The following ADAMTS18 variants were observed in gnomAD, a reference collection of about 807,000 sequenced individuals.
ADAMTS18 encodes the protein ADAM metallopeptidase with thrombospondin type 1 motif 18.
ADAMTS18 carries 157 observed loss-of-function variants against 165.9 expected under a neutral mutation model. That is an observed-to-expected ratio of 0.95 (90% CI 0.83 to 1.08). The LOEUF (loss-of-function observed/expected upper bound fraction) is 1.08. Ranked by LOEUF, ADAMTS18 falls within the 50% of genes least tolerant of loss-of-function variation. The pLI is 0.00. For missense variants in ADAMTS18, 2,040 were observed against 1,534.0 expected, an observed-to-expected ratio of 1.33 and a Z score of -5.51; for synonymous variants, 782 against 578.2, an observed-to-expected ratio of 1.35 and a Z score of -5.06.
rs1408811953 is a variant in ADAMTS18, at chr16:77,334,694, GTA to G, written c.1859+1060_1859+1061del. 1.5e-4 allele frequency among the ~76,000 whole-genome samples: 12 copies of G among 80,796 alleles called. No individual in the cohort carries two copies. In the East Asian group the frequency reaches 1.9e-3, roughly 12 times the overall value. 53.0% of individuals were successfully genotyped at this position (80,796 alleles called of 152,430 possible). A position where few individuals can be genotyped will look rare whatever the true frequency, so the allele number is the denominator to read the frequency against. On this transcript the variant is annotated intron_variant, in intron 12 of 22. Transcript: ENST00000282849. ...GCATATACTATAGTATATATATATA[GTA>G]TATATATACTGTATACTATAGTATA...
intron 17 of ADAMTS18, among the ~76,000 whole-genome samples, chr16:77,298,417 T>A (rs532455780): frequency 6.6e-6 from 1 of 152,322 alleles, no homozygotes; most frequent in African/African-American, 2.4e-5. Context: ...TGAGAAAGAA[T>A]AAGTCACTCC....
At chr16:77,332,837 T>C (rs538487858) in intron 12 of ADAMTS18, among the ~76,000 whole-genome samples, 3 of 152,310 alleles carry the variant, frequency 2.0e-5, no homozygotes, top group South Asian at 4.1e-4. Context: ...AGTGGGACTT[T>C]CTGTGTTTGA....
At chr16:77,433,332 C>T (rs2057761267) in intron 2 of ADAMTS18, 1 of 152,220 alleles carries the variant, frequency 6.6e-6, no homozygotes, top group Admixed American at 6.5e-5. Flanking sequence ...AACCAGCCAT[C>T]AAACGGCCCC....
At chr16:77,348,263 G>C (rs2056506368) in intron 10 of ADAMTS18, among the ~76,000 whole-genome samples, 1 of 152,070 alleles carries the variant, frequency 6.6e-6, no homozygotes, top group African/African-American at 2.4e-5. Context: ...CCAAGAAATG[G>C]AAATCTAGAT....
At chr16:77,337,093 T>A (rs754432295) in intron 11 of ADAMTS18, among the ~76,000 whole-genome samples, 1 of 152,244 alleles carries the variant, frequency 6.6e-6, no homozygotes, top group Non-Finnish European at 1.5e-5. Flanking sequence ...TTCTTCAAAT[T>A]CTTGCCATGT....
At chr16:77,340,957 C>T (rs1206975786) in intron 11 of ADAMTS18, among the ~76,000 whole-genome samples, 1 of 152,128 alleles carries the variant, frequency 6.6e-6, no homozygotes, top group African/African-American at 2.4e-5. Context: ...ATCAGCAAAC[C>T]TGTAACATCT....
chr16:77,286,422 T>A (rs1207423918), intron 22 of ADAMTS18, among the ~76,000 whole-genome samples: 1 of 152,186 alleles, frequency 6.6e-6, no homozygotes, highest in African/African-American at 2.4e-5. Context: ...TATTTTGTAA[T>A]CAGACCCCAG....
intron 18 of ADAMTS18, 125 bp from the exon 19 acceptor site, chr16:77,295,252 T>G (rs2055447048): frequency 2.1e-6 from 2 of 957,756 alleles, no homozygotes; most frequent in Admixed American, 2.0e-5. Flanking sequence ...ATAAGATAAG[T>G]TATTCTAATT....
chr16:77,421,438 C>A (rs902942377), intron 3 of ADAMTS18, among the ~76,000 whole-genome samples: 1 of 152,206 alleles, frequency 6.6e-6, no homozygotes, highest in Non-Finnish European at 1.5e-5. Flanking sequence ...AGCCTTAGTG[C>A]TATCATTAGG....
rs2055182617 is a variant in ADAMTS18, at chr16:77,283,229, T to C, written c.*727A>G. 6.6e-6 allele frequency: 1 copy of C among 152,634 alleles called. No individual in the cohort carries two copies. The highest frequency in any genetic ancestry group is 6.5e-5 in the Admixed American group (1 of 15,272). The allele number at this position is 152,634 out of a possible 1,614,324, so 9.5% of individuals were successfully genotyped here. ...AGGGCATCCATATTTATCTTTTCTATGAGTTGTTTCCTTGCATGAATTTCA... is the reference window on the plus strand; with the variant it reads ...AGGGCATCCATATTTATCTTTTCTACGAGTTGTTTCCTTGCATGAATTTCA... On this transcript the variant is annotated 3_prime_UTR_variant, in exon 23 of 23. Coordinates refer to ENST00000282849, the MANE Select transcript of ADAMTS18 (RefSeq NM_199355.4).
At chr16:77,363,970 C>G (rs2056754320) in intron 5 of ADAMTS18, 85 bp from the exon 6 acceptor site, 3 of 1,374,492 alleles carry the variant, frequency 2.2e-6, no homozygotes, top group Non-Finnish European at 3.1e-6. Context: ...CTGAAGTACG[C>G]AGGCTTTAAT....
intron 12 of ADAMTS18, among the ~76,000 whole-genome samples, chr16:77,328,960 G>T (rs919118294): frequency 2.0e-5 from 3 of 152,210 alleles, no homozygotes; most frequent in Non-Finnish European, 2.9e-5. Flanking sequence ...CAGGCCTGTG[G>T]ACTCAGTCCA....
At chr16:77,299,085 G>C (rs1453483806) in intron 17 of ADAMTS18, among the ~76,000 whole-genome samples, 2 of 152,202 alleles carry the variant, frequency 1.3e-5, no homozygotes, top group Non-Finnish European at 2.9e-5. Flanking sequence ...ATGTTCTCAA[G>C]AAACACTGGA....
At chr16:77,423,207 G>C (rs763400162) in intron 3 of ADAMTS18, among the ~76,000 whole-genome samples, 3 of 152,154 alleles carry the variant, frequency 2.0e-5, no homozygotes, top group Non-Finnish European at 4.4e-5. Context: ...AGGCCTCCCT[G>C]TGTGTTTTAG....
At chr16:77,415,575 G>T (rs1050489074) in intron 3 of ADAMTS18, among the ~76,000 whole-genome samples, 1 of 151,978 alleles carries the variant, frequency 6.6e-6, no homozygotes, top group Non-Finnish European at 1.5e-5. Context: ...ACTACTCTAG[G>T]TCAACGATAT....
chr16:77,431,978 AT>A (rs1018433167), intron 2 of ADAMTS18, among the ~76,000 whole-genome samples: 1 of 152,138 alleles, frequency 6.6e-6, no homozygotes, highest in Non-Finnish European at 1.5e-5. Context: ...ATAAAATTTA[AT>A]TTTTTTGAAG....
At position 77,430,493 on chromosome 16, in the gene ADAMTS18, C is replaced by T. The variant is rs1006942741; in HGVS notation, c.495+802G>A. Among the ~76,000 whole-genome samples the T allele has an allele frequency of 6.6e-5, 10 of 152,342 alleles. No individual in the cohort carries two copies. In the East Asian group the frequency reaches 1.9e-3, roughly 29 times the overall value. On this transcript the variant is annotated intron_variant, in intron 3 of 22. Transcript: ENST00000282849. ...ACTTGGGCTTTCTCACATTTTCCTT[C>T]TTCTGGCCATGCCAGAGCACAATCA... is the stretch of plus-strand genomic sequence containing the variant.
intron 10 of ADAMTS18, among the ~76,000 whole-genome samples, chr16:77,346,930 A>G: frequency 6.6e-6 from 1 of 152,234 alleles, no homozygotes; most frequent in Non-Finnish European, 1.5e-5. Flanking sequence ...GAATATTTCC[A>G]TCACTCCAAA....
At chr16:77,336,851 A>G (rs114215051) in intron 11 of ADAMTS18, among the ~76,000 whole-genome samples, 1 of 152,226 alleles carries the variant, frequency 6.6e-6, no homozygotes. Flanking sequence ...AAAGTTCTGC[A>G]TGACTTAGCA....
Sources: gnomAD v4.1 joint callset for allele counts (sites outside exome capture counted in the v4.1 genomes callset) on GRCh38, gnomAD v4.1.1 for gene constraint, MANE v1.5 for transcripts, NCBI Gene and HGNC (gene_info 2026-07-23, HGNC 2026-07-21) for gene names.